Variants in EYS observed in about 807,000 individuals in gnomAD.
EYS encodes protein eyes shut homolog.
In EYS, 250 loss-of-function variants were observed where a neutral mutation model predicts 282.1. The observed-to-expected ratio is 0.89, with a 90% CI of 0.80 to 0.98. The LOEUF (loss-of-function observed/expected upper bound fraction) is 0.98. EYS is among the 50% of genes least tolerant of loss of function. The pLI, the probability that EYS is intolerant of heterozygous loss-of-function variation, is 0.00. For synonymous variants in EYS, 1,355 were observed against 1,282.9 expected (o/e 1.06, Z -1.20); for missense variants, 4,016 against 3,709.0 (o/e 1.08, Z -2.15).
chr6:64,894,434 G>T (rs1767389911), intron 18 of EYS, among the ~76,000 whole-genome samples: 2 of 152,116 alleles, frequency 1.3e-5, no homozygotes, highest in South Asian at 4.1e-4. Context: ...AACTGATGAC[G>T]GGGTTTTAGA....
chr6:63,844,053 T>G (rs2149699026), intron 36 of EYS, among the ~76,000 whole-genome samples: 1 of 152,266 alleles, frequency 6.6e-6, no homozygotes, highest in East Asian at 1.9e-4. Flanking sequence ...CCCCTCCCTG[T>G]GTCCATGTGT....
At chr6:64,789,410 A>G (rs901456037) in intron 22 of EYS, among the ~76,000 whole-genome samples, 10 of 152,142 alleles carry the variant, frequency 6.6e-5, no homozygotes, top group African/African-American at 2.4e-4. Flanking sequence ...ACGTTCTCTC[A>G]TACACACACA....
Position 64,877,649 on chromosome 6 carries a change from G to A in EYS, c.2992+9048C>T, listed in dbSNP as rs567438615. On this transcript the variant is annotated intron_variant, in intron 19 of 42. Coordinates refer to ENST00000503581, the MANE Select transcript of EYS (RefSeq NM_001142800.2). ...AGAAAATGGCAATGGAGAATAATTA[G>A]TGACCTCCAACAAGAAGAATACCAT... Among the ~76,000 whole-genome samples, 72 of 152,270 alleles carry A rather than the reference G, an allele frequency of 4.7e-4. 1 individual carries two copies. The highest frequency in any genetic ancestry group is 1.7e-3 in the African/African-American group (69 of 41,580).
intron 26 of EYS, among the ~76,000 whole-genome samples, chr6:64,543,433 G>A (rs1562051320): frequency 3.9e-5 from 6 of 151,914 alleles, no homozygotes; most frequent in Non-Finnish European, 8.8e-5. Context: ...TTTATTTATA[G>A]AAAAAATATA....
rs139221928 is a variant in EYS at position 65,205,739 on chromosome 6, T to C, written c.2023+90124A>G. 2.1e-3 allele frequency among the ~76,000 whole-genome samples: 317 copies of C among 151,884 alleles called. 1 individual carries two copies. The highest frequency in any genetic ancestry group is 7.3e-3 in the African/African-American group (304 of 41,504). On this transcript the variant is annotated intron_variant, in intron 12 of 42. Coordinates refer to ENST00000503581, the MANE Select transcript of EYS (RefSeq NM_001142800.2). ...AGTAAAAATCATTACCAAGAAGAAC[T>C]CTCAAAACCACATAAGTACATATAA...
chr6:64,814,107 TC>T, intron 21 of EYS, among the ~76,000 whole-genome samples: 1 of 152,220 alleles, frequency 6.6e-6, no homozygotes, highest in East Asian at 1.9e-4. Flanking sequence ...GAAGTTTGAA[TC>T]CAATCATAAT....
chr6:65,398,063 A>C (rs1766354429), intron 7 of EYS, among the ~76,000 whole-genome samples: 1 of 152,020 alleles, frequency 6.6e-6, no homozygotes, highest in African/African-American at 2.4e-5. Flanking sequence ...TCTTTTAAAA[A>C]ATATTTGTTC....
chr6:64,143,019 A>T (rs1774389750), intron 31 of EYS, among the ~76,000 whole-genome samples: 1 of 152,234 alleles, frequency 6.6e-6, no homozygotes, highest in Admixed American at 6.6e-5. Context: ...AGCCATGAAA[A>T]GATGTGGAAG....
chr6:65,669,976 T>C (rs1768337146), intron 1 of EYS, among the ~76,000 whole-genome samples: 1 of 150,676 alleles, frequency 6.6e-6, no homozygotes. Context: ...AAAAATGATT[T>C]ATTGTCTCCA....
intron 26 of EYS, among the ~76,000 whole-genome samples, chr6:64,501,330 T>TA (rs1195946593): frequency 6.6e-6 from 1 of 151,952 alleles, no homozygotes; most frequent in Non-Finnish European, 1.5e-5. Flanking sequence ...TGAAAATATT[T>TA]AAAAAAATAA....
intron 19 of EYS, among the ~76,000 whole-genome samples, chr6:64,855,568 A>G (rs4612148): frequency 0.56 from 84,547 of 151,890 alleles, 24,273 homozygotes; most frequent in Non-Finnish European, 0.62. Flanking sequence ...ATTTTCTCCT[A>G]TTATGAATGT....
intron 12 of EYS, among the ~76,000 whole-genome samples, chr6:65,059,779 C>T (rs1469815240): frequency 6.6e-6 from 1 of 152,036 alleles, no homozygotes; most frequent in African/African-American, 2.4e-5. Flanking sequence ...CTGAGGGAAA[C>T]CTGTTTGTCT....
Position 63,806,308 on chromosome 6 carries a change from A to G in EYS, c.7293T>C (p.Ala2431=), listed in dbSNP as rs1770907650. The change falls in exon 37 of 43, where the codon GCT becomes GCC. Residue 2431 remains alanine, a synonymous_variant. Transcript: ENST00000503581. ...TDAFGYTSFL[A]YSRISDISFH... ...AGCTGATGTCTGAGATCCGTGAATA[A>G]GCCAGGAATGAGGTGTATCCAAAGG... The G allele has an allele frequency of 1.3e-6, 2 of 1,551,616 alleles. No individual in the cohort carries two copies. The highest frequency in any genetic ancestry group is 2.7e-5 in the African/African-American group (2 of 73,058).
chr6:63,723,650 C>G (rs1009192205), intron 42 of EYS, among the ~76,000 whole-genome samples: 2 of 151,434 alleles, frequency 1.3e-5, no homozygotes, highest in African/African-American at 2.4e-5. Flanking sequence ...CTAGTATGTT[C>G]TTACGAAAAA....
chr6:65,427,938 A>G (rs941427928), intron 5 of EYS, among the ~76,000 whole-genome samples: 7 of 152,098 alleles, frequency 4.6e-5, no homozygotes, highest in East Asian at 1.9e-4. Flanking sequence ...TATACATGAT[A>G]CATTCTATGG....
At position 63,721,803 on chromosome 6, in the gene EYS, A is replaced by AGG. The variant is rs1561994472; in HGVS notation, c.8234-7_8234-6insCC. 2 of 1,538,200 alleles carry AGG rather than the reference A, an allele frequency of 1.3e-6. No individual in the cohort carries two copies. The highest frequency in any genetic ancestry group is 2.8e-5 in the African/African-American group (2 of 72,380). On this transcript the variant is annotated splice_region_variant and splice_polypyrimidine_tract_variant and intron_variant, in intron 42 of 42. Transcript: ENST00000503581. Reference sequence around the variant, plus strand: ...AGAGATGCATAAAAAATCACCTGCAAGAAAGCAAACAGTAAGTTTGATTAG... The same window carrying AGG: ...AGAGATGCATAAAAAATCACCTGCAAGGGAAAGCAAACAGTAAGTTTGATTAG...
chr6:65,319,762 C>T (rs1264775424), intron 11 of EYS, among the ~76,000 whole-genome samples: 1 of 152,082 alleles, frequency 6.6e-6, no homozygotes, highest in Non-Finnish European at 1.5e-5. Context: ...GACTCCCTCC[C>T]TCAAAGTAGT....
At chr6:64,577,816 T>G (rs1273421760) in intron 26 of EYS, among the ~76,000 whole-genome samples, 1 of 152,236 alleles carries the variant, frequency 6.6e-6, no homozygotes, top group East Asian at 1.9e-4. Context: ...GACAGTTTTA[T>G]AGCTGATAAA....
At chr6:64,239,593 T>C (rs1766726221) in intron 30 of EYS, among the ~76,000 whole-genome samples, 1 of 132,456 alleles carries the variant, frequency 7.5e-6, no homozygotes, top group Non-Finnish European at 1.6e-5. Context: ...CACTTTTTGA[T>C]GGGGTTGTTT....
Sources: gnomAD v4.1 joint callset for allele counts (sites outside exome capture counted in the v4.1 genomes callset) on GRCh38, gnomAD v4.1.1 for gene constraint, MANE v1.5 for transcripts, NCBI Gene and HGNC (gene_info 2026-07-23, HGNC 2026-07-21) for gene names.